The following NRXN3 variants were observed in gnomAD, a reference collection of about 807,000 sequenced individuals.
The protein encoded by NRXN3 is neurexin III.
NRXN3 carries 32 observed loss-of-function variants against 137.6 expected under a neutral mutation model. The observed-to-expected ratio is 0.23, with a 90% CI of 0.18 to 0.31. NRXN3 has a LOEUF of 0.31. Among genes scored for constraint, NRXN3 ranks in the 10% least tolerant of loss-of-function variants. The pLI is 1.00. For synonymous variants in NRXN3, 798 were observed against 784.5 expected (o/e 1.02, Z -0.29); for missense variants, 1,574 against 2,062.5 (o/e 0.76, Z 4.59).
chr14:79,006,326 CAAAA>C (rs1329982667), intron 15 of NRXN3, among the ~76,000 whole-genome samples: 1 of 149,708 alleles, frequency 6.7e-6, no homozygotes, highest in Admixed American at 6.6e-5. Flanking sequence ...TGGTAAATGG[CAAAA>C]AACAAACAAA....
chr14:78,853,045 T>C (rs899099006), intron 10 of NRXN3, among the ~76,000 whole-genome samples: 1 of 152,194 alleles, frequency 6.6e-6, no homozygotes, highest in African/African-American at 2.4e-5. Flanking sequence ...TGAATAGTAC[T>C]CCATTGTATA....
chr14:79,579,178 G>A (rs939157539), intron 16 of NRXN3, among the ~76,000 whole-genome samples: 1 of 151,290 alleles, frequency 6.6e-6, no homozygotes, highest in African/African-American at 2.4e-5. Flanking sequence ...CTGAGTGAGT[G>A]GACACAGATG....
chr14:78,227,979 A>G (rs79036376), intron 1 of NRXN3, among the ~76,000 whole-genome samples: 2,572 of 152,244 alleles, frequency 0.017, 63 homozygotes, highest in African/African-American at 0.058. Flanking sequence ...ATTTTTGCTA[A>G]TATGCCATTC....
chr14:78,433,560 G>A (rs1304332364), intron 4 of NRXN3, among the ~76,000 whole-genome samples: 8 of 152,138 alleles, frequency 5.3e-5, no homozygotes. Context: ...TGTACCCTAT[G>A]AATGGATTTG....
At chr14:78,795,999 A>G (rs1382834592) in intron 8 of NRXN3, among the ~76,000 whole-genome samples, 1 of 152,168 alleles carries the variant, frequency 6.6e-6, no homozygotes, top group Non-Finnish European at 1.5e-5. Flanking sequence ...CTTACCTGCC[A>G]GTTATCAGTC....
At chr14:79,251,949 G>A (rs892501849) in intron 15 of NRXN3, among the ~76,000 whole-genome samples, 1 of 151,712 alleles carries the variant, frequency 6.6e-6, no homozygotes, top group African/African-American at 2.4e-5. Flanking sequence ...TTCACAAGTA[G>A]CTGGGACTGC....
chr14:79,455,518 T>C (rs1311191812), intron 15 of NRXN3, among the ~76,000 whole-genome samples: 2 of 152,238 alleles, frequency 1.3e-5, no homozygotes, highest in African/African-American at 4.8e-5. Flanking sequence ...CTGTATTTTT[T>C]AATTATTAAA....
rs74514334 is a variant in NRXN3 at position 78,235,022 on chromosome 14, A to G, written c.-703-7369A>G. Among the ~76,000 whole-genome samples the G allele has an allele frequency of 6.7e-3, 390 of 58,022 alleles. 8 individuals are homozygous for G. The highest frequency in any genetic ancestry group is 0.019 in the African/African-American group (308 of 16,318). The allele number at this position is 58,022 out of a possible 152,430, so 38.1% of individuals were successfully genotyped here. Reference sequence around the variant, plus strand: ...TATATATATATATATATATATATATATGTGTATATATATATGTGTGTGTGT... The same window carrying G: ...TATATATATATATATATATATATATGTGTGTATATATATATGTGTGTGTGT... On this transcript the variant is annotated intron_variant, in intron 1 of 20. Coordinates refer to ENST00000335750, the MANE Select transcript of NRXN3 (RefSeq NM_001330195.2).
intron 6 of NRXN3, among the ~76,000 whole-genome samples, chr14:78,697,311 T>C (rs780948389): frequency 2.6e-5 from 4 of 151,956 alleles, no homozygotes; most frequent in Non-Finnish European, 4.4e-5. Context: ...TCTTCTTTTA[T>C]ATAAATATAA....
At chr14:79,417,552 T>C (rs548756549) in intron 15 of NRXN3, among the ~76,000 whole-genome samples, 1 of 152,296 alleles carries the variant, frequency 6.6e-6, no homozygotes, top group East Asian at 1.9e-4. Flanking sequence ...TTTGACAATT[T>C]ATTTATTTTC....
At chr14:79,116,577 A>C (rs2054486567) in intron 15 of NRXN3, among the ~76,000 whole-genome samples, 2 of 152,212 alleles carry the variant, frequency 1.3e-5, no homozygotes, top group Non-Finnish European at 2.9e-5. Flanking sequence ...TTCATTTTAA[A>C]AACAAGGAAT....
intron 10 of NRXN3, among the ~76,000 whole-genome samples, chr14:78,872,168 A>C (rs1040784222): frequency 6.6e-6 from 1 of 150,728 alleles, no homozygotes; most frequent in Non-Finnish European, 1.5e-5. Context: ...TTTAGGTTTT[A>C]TTTTATAAAT....
At chr14:78,953,841 C>T (rs936468370) in intron 10 of NRXN3, among the ~76,000 whole-genome samples, 5 of 152,136 alleles carry the variant, frequency 3.3e-5, no homozygotes, top group Non-Finnish European at 5.9e-5. Context: ...TACCCAGTTG[C>T]AGATCATAAC....
At chr14:79,358,607 G>GAAAAAAGAA (rs10667477) in intron 15 of NRXN3, among the ~76,000 whole-genome samples, 1 of 79,944 alleles carries the variant, frequency 1.3e-5, no homozygotes, top group South Asian at 6.5e-4. Context: ...AAGAAAGAAA[G>GAAAAAAGAA]AGAAAGAAAG....
chr14:78,219,359 T>C (rs1227118836), intron 1 of NRXN3, among the ~76,000 whole-genome samples: 1 of 152,160 alleles, frequency 6.6e-6, no homozygotes, highest in Non-Finnish European at 1.5e-5. Context: ...CCAGGAGACA[T>C]TGAATAGGGT....
At chr14:78,952,521 G>T (rs905781500) in intron 10 of NRXN3, among the ~76,000 whole-genome samples, 3 of 152,150 alleles carry the variant, frequency 2.0e-5, no homozygotes, top group Admixed American at 1.3e-4. Flanking sequence ...TTAGTGAAAT[G>T]CTTGTCACAG....
intron 15 of NRXN3, among the ~76,000 whole-genome samples, chr14:79,226,801 T>C (rs1271062705): frequency 7.0e-6 from 1 of 143,026 alleles, no homozygotes; most frequent in Non-Finnish European, 1.5e-5. Context: ...TCCTCTTTTT[T>C]CATCCTTTTT....
chr14:79,361,344 A>G (rs1034468554), intron 15 of NRXN3, among the ~76,000 whole-genome samples: 12 of 152,258 alleles, frequency 7.9e-5, no homozygotes, highest in African/African-American at 2.9e-4. Context: ...ATTAGTTAAT[A>G]CTGAGTCCAG....
intron 16 of NRXN3, among the ~76,000 whole-genome samples, chr14:79,531,734 C>T (rs989261668): frequency 2.0e-5 from 3 of 152,120 alleles, no homozygotes; most frequent in African/African-American, 7.2e-5. Flanking sequence ...CCATGATATC[C>T]AGTTTAATAC....
Sources: allele counts gnomAD v4.1 joint callset (sites outside exome capture counted in the v4.1 genomes callset), GRCh38; gene constraint gnomAD v4.1.1; transcripts MANE v1.5; gene names NCBI Gene and HGNC (gene_info 2026-07-23, HGNC 2026-07-21).